Variants in SPON1 observed in about 807,000 individuals in gnomAD.
SPON1 encodes spondin-1.
SPON1 carries 52 observed loss-of-function variants against 111.7 expected under a neutral mutation model. The ratio of observed to expected loss-of-function variants is 0.47; its 90% CI spans 0.37 to 0.59. The LOEUF is 0.59. SPON1 is among the 20% of genes least tolerant of loss of function. The pLI, the probability that SPON1 is intolerant of heterozygous loss-of-function variation, is 0.00. For missense variants in SPON1, 957 were observed against 1,068.5 expected (o/e 0.90, Z 1.46); for synonymous variants, 410 against 395.8 (o/e 1.04, Z -0.43).
intron 6 of SPON1, among the ~76,000 whole-genome samples, chr11:14,229,451 TG>T (rs1434376494): frequency 4.6e-5 from 7 of 152,114 alleles, no homozygotes; most frequent in Non-Finnish European, 2.9e-5. Context: ...GGTCAAAAGG[TG>T]GGTCAGGCAG....
chr11:14,196,501 T>TAA (rs561631212), intron 6 of SPON1, among the ~76,000 whole-genome samples: 4 of 151,364 alleles, frequency 2.6e-5, no homozygotes, highest in Non-Finnish European at 5.9e-5. Context: ...GCTGCTATTT[T>TAA]AAAAAAAAAT....
chr11:14,231,832 C>CGT (rs1194314870), intron 6 of SPON1, among the ~76,000 whole-genome samples: 72 of 151,154 alleles, frequency 4.8e-4, no homozygotes, highest in African/African-American at 1.3e-3. Context: ...AAAGTATATA[C>CGT]GTGTGTGTGT....
At chr11:14,204,096 T>TCTGATTGAAC (rs1554935939) in intron 6 of SPON1, among the ~76,000 whole-genome samples, 1 of 152,140 alleles carries the variant, frequency 6.6e-6, no homozygotes, top group East Asian at 1.9e-4. Context: ...TCTGATTGAG[T>TCTGATTGAAC]CTGATTGAAC....
intron 3 of SPON1, among the ~76,000 whole-genome samples, chr11:14,071,459 T>C (rs376169251): frequency 6.5e-4 from 99 of 152,172 alleles, no homozygotes; most frequent in African/African-American, 2.2e-3. Flanking sequence ...CACACTCCCA[T>C]TCCCTCCCAG....
Position 13,962,857 on chromosome 11 carries a change from C to G in SPON1, c.-48C>G. 7.1e-7 allele frequency: 1 copy of G among 1,401,802 alleles called. No homozygotes were observed. The highest frequency in any genetic ancestry group is 9.3e-7 in the Non-Finnish European group (1 of 1,080,904). 86.8% of individuals were successfully genotyped at this position (1,401,802 alleles called of 1,614,324 possible). A position where few individuals can be genotyped will look rare whatever the true frequency, so the allele number is the denominator to read the frequency against. ...CGTCGGGACCACTTCGGGCAGGAGT[C>G]GCGTGGCGAAGGCCTGCGGCCGCGG... On this transcript the variant is annotated 5_prime_UTR_variant, in exon 1 of 16. Transcript: ENST00000576479.
chr11:14,172,771 T>G (rs1231160635), intron 6 of SPON1, among the ~76,000 whole-genome samples: 13 of 151,946 alleles, frequency 8.6e-5, no homozygotes, highest in Non-Finnish European at 7.4e-5. Context: ...TGGCTGGTTA[T>G]GAAATTCTGG....
At chr11:14,001,641 T>G (rs1159378346) in intron 2 of SPON1, among the ~76,000 whole-genome samples, 7 of 152,172 alleles carry the variant, frequency 4.6e-5, no homozygotes, top group Admixed American at 1.3e-4. Context: ...TATGTTACCA[T>G]TACATCAACA....
At chr11:14,229,951 CGTGTGTGTGTGTGTGT>C (rs55709324) in intron 6 of SPON1, among the ~76,000 whole-genome samples, 9 of 144,970 alleles carry the variant, frequency 6.2e-5, no homozygotes, top group Admixed American at 1.4e-4. Flanking sequence ...TCTGTGTGTC[CGTGTGTGTGTGTGTGT>C]GTGTGTGTGT....
intron 5 of SPON1, among the ~76,000 whole-genome samples, chr11:14,095,368 G>C (rs782142784): frequency 4.0e-5 from 6 of 151,878 alleles, no homozygotes; most frequent in Non-Finnish European, 8.8e-5. Context: ...CAGTTCTCCA[G>C]AGAAACAGAC....
intron 6 of SPON1, among the ~76,000 whole-genome samples, chr11:14,179,505 G>T (rs1202697344): frequency 6.6e-6 from 1 of 152,050 alleles, no homozygotes; most frequent in African/African-American, 2.4e-5. Context: ...CATTTCCTCT[G>T]TCCTGCCTTG....
chr11:13,991,402 C>T (rs782219564), intron 2 of SPON1, among the ~76,000 whole-genome samples: 9 of 152,256 alleles, frequency 5.9e-5, no homozygotes, highest in South Asian at 2.1e-4. Context: ...AGGAAGTTCT[C>T]GTACTGTATT....
At chr11:13,986,103 T>C (rs1292818087) in intron 2 of SPON1, among the ~76,000 whole-genome samples, 1 of 152,206 alleles carries the variant, frequency 6.6e-6, no homozygotes, top group Non-Finnish European at 1.5e-5. Flanking sequence ...AGTTAGGCAT[T>C]GGGGATAGGG....
intron 6 of SPON1, among the ~76,000 whole-genome samples, chr11:14,226,812 G>A (rs1564935398): frequency 6.6e-6 from 1 of 152,178 alleles, no homozygotes; most frequent in East Asian, 1.9e-4. Flanking sequence ...GAGTCTTACA[G>A]GGCTGAAGTC....
chr11:14,158,115 C>A (rs938507374), intron 6 of SPON1, among the ~76,000 whole-genome samples: 30 of 152,214 alleles, frequency 2.0e-4, no homozygotes, highest in African/African-American at 6.7e-4. Flanking sequence ...AGATTTGCTT[C>A]TTCTAGCAGG....
chr11:14,130,966 GT>G (rs1847521310), intron 5 of SPON1, among the ~76,000 whole-genome samples: 1 of 152,076 alleles, frequency 6.6e-6, no homozygotes, highest in African/African-American at 2.4e-5. Flanking sequence ...GTATAAGGAG[GT>G]TTGAGAACAA....
intron 6 of SPON1, among the ~76,000 whole-genome samples, chr11:14,219,814 A>G (rs990465432): frequency 5.3e-5 from 8 of 152,204 alleles, no homozygotes; most frequent in Non-Finnish European, 1.0e-4. Flanking sequence ...CCATTCAGCT[A>G]AATACCTTTG....
At chr11:13,985,960 G>A (rs1554910270) in intron 2 of SPON1, among the ~76,000 whole-genome samples, 2 of 152,178 alleles carry the variant, frequency 1.3e-5, no homozygotes, top group African/African-American at 4.8e-5. Flanking sequence ...CTGCTCCTGT[G>A]ATATGTGGCC....
intron 6 of SPON1, among the ~76,000 whole-genome samples, chr11:14,184,591 G>A (rs1848266515): frequency 2.0e-5 from 3 of 152,132 alleles, no homozygotes; most frequent in South Asian, 2.1e-4. Context: ...GTCACCTTGG[G>A]AGTATGAGTG....
chr11:14,192,627 G>GTAC (rs142294447), intron 6 of SPON1, among the ~76,000 whole-genome samples: 3,590 of 151,760 alleles, frequency 0.024, 150 homozygotes, highest in African/African-American at 0.081. Flanking sequence ...CTCCCTCACG[G>GTAC]TACACCCTCC....
Sources: allele counts gnomAD v4.1 joint callset (sites outside exome capture counted in the v4.1 genomes callset), GRCh38; gene constraint gnomAD v4.1.1; transcripts MANE v1.5; gene names NCBI Gene and HGNC (gene_info 2026-07-23, HGNC 2026-07-21).